The following BMERB1 variants were observed in gnomAD, a reference collection of about 807,000 sequenced individuals.
The protein encoded by BMERB1 is bMERB domain-containing protein 1.
BMERB1 carries 12 observed loss-of-function variants against 23.6 expected under a neutral mutation model. The observed-to-expected ratio is 0.51, with a 90% CI of 0.33 to 0.82. The LOEUF is 0.82. BMERB1 is among the 40% of genes least tolerant of loss of function. The pLI, the probability that BMERB1 is intolerant of heterozygous loss-of-function variation, is 0.03. For missense variants in BMERB1, 247 were observed against 255.4 expected (o/e 0.97, Z 0.22); for synonymous variants, 122 against 96.6 (o/e 1.26, Z -1.54).
At chr16:15,480,024 A>G (rs1287081202) in intron 1 of BMERB1, among the ~76,000 whole-genome samples, 1 of 143,868 alleles carries the variant, frequency 7.0e-6, no homozygotes, top group Non-Finnish European at 1.5e-5. Flanking sequence ...TATATATATA[A>G]TATATATTTA....
intron 1 of BMERB1, among the ~76,000 whole-genome samples, chr16:15,466,659 G>C (rs1342714182): frequency 2.6e-5 from 4 of 152,002 alleles, no homozygotes; most frequent in Non-Finnish European, 4.4e-5. Flanking sequence ...TCAAAGACAG[G>C]AAATTGACAT....
chr16:15,436,358 A>G (rs2050888306), intron 1 of BMERB1, among the ~76,000 whole-genome samples: 1 of 150,898 alleles, frequency 6.6e-6, no homozygotes, highest in African/African-American at 2.4e-5. Flanking sequence ...TCCTGGGTTC[A>G]AGCGATTCTC....
At chr16:15,549,956 G>GTTT (rs901614377) in intron 2 of BMERB1, among the ~76,000 whole-genome samples, 1 of 146,092 alleles carries the variant, frequency 6.8e-6, no homozygotes, top group African/African-American at 2.5e-5. Flanking sequence ...TCAAAAGCAC[G>GTTT]TTTTTTTTTT....
At chr16:15,446,456 T>C (rs1469001155) in intron 1 of BMERB1, among the ~76,000 whole-genome samples, 4 of 151,424 alleles carry the variant, frequency 2.6e-5, no homozygotes, top group East Asian at 3.9e-4. Flanking sequence ...TATGAGCCAC[T>C]GTGTGCATGT....
rs914029732 is a variant in BMERB1, at chr16:15,564,024, C to G, written c.231-3959C>G. ...GTTAAAAAAAGCCTGGCACCTCCCC[C>G]TCTCTCTTGCTTCCACTCTTGCCCT... is the stretch of plus-strand genomic sequence containing the variant. On this transcript the variant is annotated intron_variant, in intron 2 of 5. Transcript: ENST00000300006. Among the ~76,000 whole-genome samples, 23 of 152,184 alleles carry G rather than the reference C, an allele frequency of 1.5e-4. 2 individuals are homozygous for G.
intron 1 of BMERB1, among the ~76,000 whole-genome samples, chr16:15,449,224 A>G (rs1295692418): frequency 6.6e-6 from 1 of 152,214 alleles, no homozygotes; most frequent in Non-Finnish European, 1.5e-5. Context: ...CAAAAAAAGT[A>G]AAACTATGGT....
intron 1 of BMERB1, among the ~76,000 whole-genome samples, chr16:15,514,568 G>T (rs968926878): frequency 2.0e-4 from 30 of 151,884 alleles, no homozygotes; most frequent in African/African-American, 7.3e-4. Context: ...GAGGCGGGCG[G>T]ATCACTTGAC....
chr16:15,587,685 C>A lies in BMERB1; in HGVS notation c.*856C>A. Reference sequence around the variant, plus strand: ...AGATGCCAGCAGGATGCCACTTTGCCAGCCCGACACACGGACCTTTGTAAA... The same window carrying A: ...AGATGCCAGCAGGATGCCACTTTGCAAGCCCGACACACGGACCTTTGTAAA... On this transcript the variant is annotated 3_prime_UTR_variant, in exon 6 of 6. Coordinates refer to ENST00000300006, the MANE Select transcript of BMERB1 (RefSeq NM_033201.3). 1 of 296,654 alleles carries A rather than the reference C, an allele frequency of 3.4e-6. No homozygotes were observed. The highest frequency in any genetic ancestry group is 2.4e-5 in the South Asian group (1 of 41,998). The allele number at this position is 296,654 out of a possible 1,614,324, so 18.4% of individuals were successfully genotyped here. A position where few individuals can be genotyped will look rare whatever the true frequency, so the allele number is the denominator to read the frequency against.
chr16:15,439,071 G>A (rs1323651944), intron 1 of BMERB1, among the ~76,000 whole-genome samples: 1 of 152,208 alleles, frequency 6.6e-6, no homozygotes, highest in African/African-American at 2.4e-5. Context: ...TTGAAGAGGG[G>A]AGGGAGACTG....
chr16:15,445,683 G>C (rs879451316), intron 1 of BMERB1, among the ~76,000 whole-genome samples: 1 of 152,144 alleles, frequency 6.6e-6, no homozygotes, highest in Non-Finnish European at 1.5e-5. Context: ...ATGCCTTGCT[G>C]GTAGGAATGT....
At chr16:15,580,712 G>T (rs556563770) in intron 3 of BMERB1, among the ~76,000 whole-genome samples, 1 of 151,146 alleles carries the variant, frequency 6.6e-6, no homozygotes, top group South Asian at 2.1e-4. Context: ...CACACCCGGC[G>T]AATTTTTTGT....
At chr16:15,515,702 G>T (rs2051742880) in intron 2 of BMERB1, among the ~76,000 whole-genome samples, 1 of 152,162 alleles carries the variant, frequency 6.6e-6, no homozygotes, top group South Asian at 2.1e-4. Flanking sequence ...AGAGGGAAGG[G>T]AATGCAGAGG....
In BMERB1 at chr16:15,450,830, A is replaced by G. The variant is rs796999250; in HGVS notation, c.106+16071A>G. On this transcript the variant is annotated intron_variant, in intron 1 of 5. Transcript: ENST00000300006. ...GTTCTGGCTGCTTGGCTTCGATGCTATGCTTGGCTCTTCCAACCACCATTT... is the reference window on the plus strand; with the variant it reads ...GTTCTGGCTGCTTGGCTTCGATGCTGTGCTTGGCTCTTCCAACCACCATTT... 2.6e-4 allele frequency among the ~76,000 whole-genome samples: 40 copies of G among 152,224 alleles called. 1 individual carries two copies. Among genetic ancestry groups the G allele is most frequent in the African/African-American group, 8.9e-4 (37 of 41,546 alleles).
At chr16:15,454,790 T>A (rs1178650070) in intron 1 of BMERB1, among the ~76,000 whole-genome samples, 2 of 144,166 alleles carry the variant, frequency 1.4e-5, no homozygotes, top group Admixed American at 7.0e-5. Flanking sequence ...AGACTCAGTC[T>A]AAAAAAAAAA....
chr16:15,502,692 G>A (rs993934471), intron 1 of BMERB1, among the ~76,000 whole-genome samples: 9 of 152,104 alleles, frequency 5.9e-5, no homozygotes, highest in African/African-American at 1.2e-4. Context: ...GTCATGGGGC[G>A]CAGATCTATT....
At chr16:15,560,368 A>T (rs1232870704) in intron 2 of BMERB1, among the ~76,000 whole-genome samples, 3 of 152,234 alleles carry the variant, frequency 2.0e-5, no homozygotes, top group African/African-American at 7.2e-5. Flanking sequence ...CTCGGAGTAG[A>T]AGTGGCCTCT....
Position 15,549,989 on chromosome 16 carries a change from G to A in BMERB1, c.231-17994G>A, listed in dbSNP as rs149337911. Among the ~76,000 whole-genome samples, 1,380 of 150,192 alleles carry A rather than the reference G, an allele frequency of 9.2e-3. 21 individuals carry two copies. The highest frequency in any genetic ancestry group is 0.032 in the African/African-American group (1,296 of 40,778). On this transcript the variant is annotated intron_variant, in intron 2 of 5. Coordinates refer to ENST00000300006, the MANE Select transcript of BMERB1 (RefSeq NM_033201.3). ...TTTTGAGATGCAGTCTTGCTCTGTC[G>A]CCCAGGCTGGAGTGCAGTGGTGCCA...
At chr16:15,505,602 A>G (rs934598024) in intron 1 of BMERB1, among the ~76,000 whole-genome samples, 1 of 152,114 alleles carries the variant, frequency 6.6e-6, no homozygotes, top group African/African-American at 2.4e-5. Context: ...AAAAAAAGTC[A>G]ATGTCGGCCA....
At chr16:15,481,656 TTGTC>T (rs1201705436) in intron 1 of BMERB1, among the ~76,000 whole-genome samples, 3 of 152,116 alleles carry the variant, frequency 2.0e-5, no homozygotes, top group Non-Finnish European at 4.4e-5. Flanking sequence ...TACTTCTAGA[TTGTC>T]TGCATTTTCT....
Sources: allele counts gnomAD v4.1 joint callset (sites outside exome capture counted in the v4.1 genomes callset), GRCh38; gene constraint gnomAD v4.1.1; transcripts MANE v1.5; gene names NCBI Gene and HGNC (gene_info 2026-07-23, HGNC 2026-07-21).